The following TRHDE variants were observed in gnomAD, a reference collection of about 807,000 sequenced individuals.
TRHDE encodes the protein thyrotropin-releasing hormone-degrading ectoenzyme.
TRHDE carries 72 observed loss-of-function variants against 125.7 expected under a neutral mutation model. The observed-to-expected ratio is 0.57, with a 90% CI of 0.47 to 0.70. The LOEUF (loss-of-function observed/expected upper bound fraction) is 0.70, where lower values mean the gene tolerates loss of function less well. TRHDE is among the 30% of genes least tolerant of loss of function. The probability of loss-of-function intolerance (pLI) is 0.00; values close to 1 mark genes in which losing one functional copy is unlikely to be tolerated. For synonymous variants in TRHDE, 509 were observed against 509.1 expected, an observed-to-expected ratio of 1.00 and a Z score of 0.00; for missense variants, 1,110 against 1,327.1, an observed-to-expected ratio of 0.84 and a Z score of 2.54.
At chr12:72,118,586 C>T (rs565758433) in intron 2 of TRHDE, among the ~76,000 whole-genome samples, 3 of 152,198 alleles carry the variant, frequency 2.0e-5, no homozygotes, top group African/African-American at 7.2e-5. Flanking sequence ...GGCAGTATTG[C>T]CTCCTTTTCT....
intron 2 of TRHDE, among the ~76,000 whole-genome samples, chr12:72,231,592 T>C (rs1339422670): frequency 2.0e-5 from 3 of 152,176 alleles, no homozygotes; most frequent in Admixed American, 2.0e-4. Flanking sequence ...ATAGAATCTC[T>C]AGGGAAACCA....
intron 3 of TRHDE, among the ~76,000 whole-genome samples, chr12:72,413,135 A>G (rs1008035873): frequency 1.2e-4 from 19 of 152,080 alleles, no homozygotes; most frequent in Admixed American, 7.2e-4. Context: ...ATAATTTTTA[A>G]AAGATCCAGT....
At chr12:72,559,927 TTTTCTTCACCA>T (rs1870098505) in intron 7 of TRHDE, among the ~76,000 whole-genome samples, 1 of 152,192 alleles carries the variant, frequency 6.6e-6, no homozygotes, top group Admixed American at 6.5e-5. Context: ...CTCAGTAACC[TTTTCTTCACCA>T]TTGTTTCCCC....
intron 1 of TRHDE, chr12:72,274,977 G>A (rs1395881842): frequency 6.6e-6 from 1 of 152,242 alleles, no homozygotes; most frequent in Non-Finnish European, 1.5e-5. Flanking sequence ...TTAAATGACT[G>A]AGGGCAGATG....
chr12:72,215,642 CTTA>C (rs1565664641), intron 2 of TRHDE, among the ~76,000 whole-genome samples: 2 of 152,140 alleles, frequency 1.3e-5, no homozygotes, highest in Non-Finnish European at 2.9e-5. Flanking sequence ...GTTTTCAAGG[CTTA>C]TTATGATTTA....
intron 15 of TRHDE, among the ~76,000 whole-genome samples, chr12:72,646,864 A>T (rs1874302438): frequency 6.6e-6 from 1 of 152,044 alleles, no homozygotes; most frequent in African/African-American, 2.4e-5. Flanking sequence ...TGAAGGGAGA[A>T]ATAAAAAACA....
intron 2 of TRHDE, among the ~76,000 whole-genome samples, chr12:72,337,618 T>C (rs12820387): frequency 0.35 from 52,600 of 151,654 alleles, 9,851 homozygotes; most frequent in Non-Finnish European, 0.43. Flanking sequence ...CTCGTATGTC[T>C]TTTCCTCTGA....
chr12:72,240,998 T>C (rs769959974), intron 2 of TRHDE, among the ~76,000 whole-genome samples: 25 of 152,156 alleles, frequency 1.6e-4, no homozygotes, highest in Non-Finnish European at 3.2e-4. Context: ...CTTACCTTCA[T>C]TTGTCCATTA....
At chr12:72,212,207 A>T (rs939292471) in intron 2 of TRHDE, among the ~76,000 whole-genome samples, 2 of 152,096 alleles carry the variant, frequency 1.3e-5, no homozygotes, top group African/African-American at 4.8e-5. Flanking sequence ...GAATTAATGT[A>T]TTGGCTTATA....
chr12:72,377,988 T>C lies in TRHDE; in HGVS notation c.1189-7T>C. ...CTAAAGTAACTTTTATATATATTTT[T>C]AATTAGGTACGATTATATGCAAGAC... is the stretch of plus-strand genomic sequence containing the variant. On this transcript the variant is annotated splice_polypyrimidine_tract_variant and splice_region_variant and intron_variant, in intron 2 of 18. Coordinates refer to ENST00000261180, the MANE Select transcript of TRHDE (RefSeq NM_013381.3). 1 of 1,561,776 alleles carries C rather than the reference T, an allele frequency of 6.4e-7. No individual in the cohort carries two copies. The highest frequency in any genetic ancestry group is 1.2e-5 in the South Asian group (1 of 81,976).
chr12:72,519,621 T>G (rs865797525), intron 6 of TRHDE, among the ~76,000 whole-genome samples: 1 of 152,262 alleles, frequency 6.6e-6, no homozygotes, highest in Non-Finnish European at 1.5e-5. Flanking sequence ...AATTTGATCA[T>G]CTGAAGCCTT....
chr12:72,225,399 G>C (rs1056795798), intron 2 of TRHDE, among the ~76,000 whole-genome samples: 10 of 152,258 alleles, frequency 6.6e-5, no homozygotes, highest in African/African-American at 2.4e-4. Flanking sequence ...TAGTGCATCT[G>C]CTTCTCACAC....
chr12:72,295,304 G>A (rs1298734166), intron 2 of TRHDE, among the ~76,000 whole-genome samples: 2 of 152,048 alleles, frequency 1.3e-5, no homozygotes, highest in African/African-American at 4.8e-5. Context: ...TGGCTCTCGC[G>A]GGCTCCATGG....
intron 2 of TRHDE, among the ~76,000 whole-genome samples, chr12:72,236,018 C>T (rs1170870536): frequency 1.3e-5 from 2 of 152,142 alleles, no homozygotes; most frequent in African/African-American, 2.4e-5. Context: ...ACATTTCTCT[C>T]TGGTTTTATG....
chr12:72,633,781 G>T lies in TRHDE; in HGVS notation c.2675+12030G>T, dbSNP rs1475286890. 2.6e-5 allele frequency among the ~76,000 whole-genome samples: 4 copies of T among 152,036 alleles called. No individual in the cohort carries two copies. In the South Asian group the frequency reaches 8.3e-4, roughly 32 times the overall value. On this transcript the variant is annotated intron_variant, in intron 15 of 18. Transcript: ENST00000261180. ...ATTGACAAGTATACTAGTAAAGTTAGGTGGGATTATAAAAGTGTATTTTAT... is the reference window on the plus strand; with the variant it reads ...ATTGACAAGTATACTAGTAAAGTTATGTGGGATTATAAAAGTGTATTTTAT...
intron 6 of TRHDE, among the ~76,000 whole-genome samples, chr12:72,508,150 G>A (rs2135944458): frequency 6.6e-6 from 1 of 152,356 alleles, no homozygotes; most frequent in Non-Finnish European, 1.5e-5. Flanking sequence ...CTAGGGCAGT[G>A]TGGAGGGGAA....
chr12:72,662,026 T>C (rs1025716177), intron 18 of TRHDE, among the ~76,000 whole-genome samples: 4 of 152,300 alleles, frequency 2.6e-5, no homozygotes, highest in Admixed American at 6.5e-5. Flanking sequence ...CATGAACTAA[T>C]TTCTAAATCA....
intron 3 of TRHDE, among the ~76,000 whole-genome samples, chr12:72,392,009 C>G (rs1274735672): frequency 6.6e-6 from 1 of 152,050 alleles, no homozygotes; most frequent in Non-Finnish European, 1.5e-5. Flanking sequence ...AGAACTATTG[C>G]GTTTCTAAGA....
At chr12:72,389,936 G>A (rs1167247845) in intron 3 of TRHDE, among the ~76,000 whole-genome samples, 2 of 152,188 alleles carry the variant, frequency 1.3e-5, no homozygotes, top group African/African-American at 4.8e-5. Context: ...CAGAGTGGTA[G>A]TAGTGGAGGT....
Sources: allele counts gnomAD v4.1 joint callset (sites outside exome capture counted in the v4.1 genomes callset), GRCh38; gene constraint gnomAD v4.1.1; transcripts MANE v1.5; gene names NCBI Gene and HGNC (gene_info 2026-07-23, HGNC 2026-07-21).